STEAP4: variants seen among roughly 807,000 people sequenced by gnomAD.
The protein encoded by STEAP4 is metalloreductase STEAP4.
STEAP4 carries 36 observed loss-of-function variants against 43.6 expected under a neutral mutation model. The ratio of observed to expected loss-of-function variants is 0.83; its 90% CI spans 0.63 to 1.09. STEAP4 has a LOEUF of 1.09. STEAP4 is among the 50% of genes least tolerant of loss of function. The pLI, the probability that STEAP4 is intolerant of heterozygous loss-of-function variation, is 0.00. For synonymous variants in STEAP4, 191 were observed against 196.7 expected, an observed-to-expected ratio of 0.97 and a Z score of 0.24; for missense variants, 495 against 546.5, an observed-to-expected ratio of 0.91 and a Z score of 0.94.
Position 88,282,690 on chromosome 7 carries a change from G to T in STEAP4, c.935C>A (p.Pro312His). ...TCTCCATCGTACATAATATCGAATA[G>T]GAATCACAAGTGTGTAGAGGACATG... ...FLHVLYTLVIPIRYYVRWRLG... is the reference protein window; with the variant it reads ...FLHVLYTLVIHIRYYVRWRLG... Residue 312 changes from proline to histidine, a missense_variant, in exon 3 of 5, where the codon CCT becomes CAT. Transcript: ENST00000380079. 6.2e-7 allele frequency: 1 copy of T among 1,614,068 alleles called. No individual in the cohort carries two copies. Among genetic ancestry groups the T allele is most frequent in the Non-Finnish European group, 8.5e-7 (1 of 1,180,012 alleles).
At position 88,272,730 on chromosome 7, in the gene STEAP4, C is replaced by T. The variant is rs1852455279; in HGVS notation, c.*6668G>A. The T allele has an allele frequency of 6.6e-6, 1 of 152,194 alleles. No individual in the cohort carries two copies. Among genetic ancestry groups the T allele is most frequent in the Non-Finnish European group, 1.5e-5 (1 of 68,056 alleles). The allele number at this position is 152,194 out of a possible 1,614,324, so 9.4% of individuals were successfully genotyped here. A position where few individuals can be genotyped will look rare whatever the true frequency, so the allele number is the denominator to read the frequency against. On this transcript the variant is annotated 3_prime_UTR_variant, in exon 5 of 5. Transcript: ENST00000380079. Reference sequence around the variant, plus strand: ...AAAATGAAACAAAAATTACTGGCCCCCATCTCTGATAGTTGGTGAGGCACT... The same window carrying T: ...AAAATGAAACAAAAATTACTGGCCCTCATCTCTGATAGTTGGTGAGGCACT...
At chr7:88,286,129 A>G (rs995960270) in intron 1 of STEAP4, among the ~76,000 whole-genome samples, 1 of 152,366 alleles carries the variant, frequency 6.6e-6, no homozygotes, top group Non-Finnish European at 1.5e-5. Flanking sequence ...AAATCAAGAC[A>G]ACAATTGTCT....
chr7:88,306,041 G>C (rs561290992), intron 1 of STEAP4, among the ~76,000 whole-genome samples: 115 of 152,248 alleles, frequency 7.6e-4, no homozygotes, highest in African/African-American at 2.7e-3. Context: ...GCTAATTTTT[G>C]TATTTTTAGT....
rs148006080 is a variant in STEAP4, at chr7:88,282,650, G to A, written c.975C>T (p.Thr325=). 117 of 1,612,370 alleles carry A rather than the reference G, an allele frequency of 7.3e-5. No individual in the cohort carries two copies. Among genetic ancestry groups the A allele is most frequent in the African/African-American group, 4.0e-4 (30 of 75,006 alleles). Residue 325 remains threonine, a synonymous_variant, in exon 3 of 5, where the codon ACC becomes ACT. Coordinates refer to ENST00000380079, the MANE Select transcript of STEAP4 (RefSeq NM_024636.4). Reference sequence around the variant, plus strand: ...ATAAGAAGAGATTTACCTGGGTAACGGTTAAGTTTCCCAATCTCCATCGTA... The same window carrying A: ...ATAAGAAGAGATTTACCTGGGTAACAGTTAAGTTTCCCAATCTCCATCGTA... ...YYVRWRLGNL[T]VTQAILKKEN... is the part of the protein sequence containing the mutation.
chr7:88,297,788 T>G (rs891509525), intron 1 of STEAP4, among the ~76,000 whole-genome samples: 1 of 152,020 alleles, frequency 6.6e-6, no homozygotes, highest in Non-Finnish European at 1.5e-5. Context: ...ATACAGCTGC[T>G]CCTCAATTTA....
At chr7:88,294,278 G>A (rs1038597460) in intron 1 of STEAP4, among the ~76,000 whole-genome samples, 1 of 151,882 alleles carries the variant, frequency 6.6e-6, no homozygotes, top group Non-Finnish European at 1.5e-5. Context: ...CTATTAAACG[G>A]TTTGTATAAA....
intron 1 of STEAP4, among the ~76,000 whole-genome samples, chr7:88,305,641 C>T (rs1853116948): frequency 6.6e-6 from 1 of 152,108 alleles, no homozygotes; most frequent in African/African-American, 2.4e-5. Flanking sequence ...GACTCTTCCC[C>T]CGACAACTGG....
chr7:88,282,505 A>T, intron 3 of STEAP4, 136 bp downstream of exon 3: 1 of 899,512 alleles, frequency 1.1e-6, no homozygotes, highest in South Asian at 1.8e-5. Flanking sequence ...AAAAACTGAC[A>T]TGACATTTCT....
At chr7:88,297,276 A>C (rs759091489) in intron 1 of STEAP4, among the ~76,000 whole-genome samples, 2 of 152,184 alleles carry the variant, frequency 1.3e-5, no homozygotes, top group Admixed American at 6.6e-5. Context: ...CTTCAAAAAC[A>C]GTGTGTGTGT....
chr7:88,306,162 C>T (rs1853126677), intron 1 of STEAP4, among the ~76,000 whole-genome samples: 1 of 152,220 alleles, frequency 6.6e-6, no homozygotes, highest in African/African-American at 2.4e-5. Context: ...AGCCACCGTA[C>T]CCAGCCTCAG....
At chr7:88,281,150 G>C in intron 3 of STEAP4, 71 bp from the exon 4 acceptor site, 5 of 1,244,842 alleles carry the variant, frequency 4.0e-6, no homozygotes, top group Non-Finnish European at 3.2e-6. Flanking sequence ...CCCACACTTT[G>C]ACAGTGGGCA....
chr7:88,286,446 T>A lies in STEAP4; in HGVS notation c.-2-2175A>T, dbSNP rs556023404. Reference sequence around the variant, plus strand: ...CTTCAGGATATCTAATTTTTTTTTTTAAACTTATAATTTGATCTTGGAAGG... The same window carrying A: ...CTTCAGGATATCTAATTTTTTTTTTAAAACTTATAATTTGATCTTGGAAGG... On this transcript the variant is annotated intron_variant, in intron 1 of 4. Coordinates refer to ENST00000380079, the MANE Select transcript of STEAP4 (RefSeq NM_024636.4). 2.0e-5 allele frequency among the ~76,000 whole-genome samples: 3 copies of A among 152,216 alleles called. No individual in the cohort carries two copies. In the South Asian group the frequency reaches 6.2e-4, roughly 32 times the overall value.
chr7:88,305,457 T>C (rs762671410), intron 1 of STEAP4, among the ~76,000 whole-genome samples: 9 of 152,184 alleles, frequency 5.9e-5, no homozygotes, highest in Non-Finnish European at 8.8e-5. Context: ...TACAAAATTA[T>C]ACCTACTGTA....
Position 88,277,763 on chromosome 7 carries a change from T to C in STEAP4, c.*1635A>G, listed in dbSNP as rs1038421257. 6.6e-6 allele frequency: 1 copy of C among 152,026 alleles called. No individual in the cohort carries two copies. The highest frequency in any genetic ancestry group is 1.5e-5 in the Non-Finnish European group (1 of 68,046). 9.4% of individuals were successfully genotyped at this position (152,026 alleles called of 1,614,324 possible). ...TAGTCCCAGCTACTCGGGAGGCTGA[T>C]GAACAAGAATCACTTGAACCTGGGA... On this transcript the variant is annotated 3_prime_UTR_variant, in exon 5 of 5. Coordinates refer to ENST00000380079, the MANE Select transcript of STEAP4 (RefSeq NM_024636.4).
Position 88,302,866 on chromosome 7 carries a change from A to G in STEAP4, c.-3+3926T>C, listed in dbSNP as rs907505055. Among the ~76,000 whole-genome samples, 5 of 147,396 alleles carry G rather than the reference A, an allele frequency of 3.4e-5. 1 individual carries two copies. The Admixed American group carries it at 3.5e-4, about 10-fold the overall frequency. On this transcript the variant is annotated intron_variant, in intron 1 of 4. Transcript: ENST00000380079. ...CTACTCAGGAGGCTGAGGCAGGAGA[A>G]TTGCTTGAGCCCAGGAGATGGAGGT...
At chr7:88,304,661 T>TGC (rs1465495774) in intron 1 of STEAP4, among the ~76,000 whole-genome samples, 1 of 152,042 alleles carries the variant, frequency 6.6e-6, no homozygotes, top group African/African-American at 2.4e-5. Context: ...TGTGTGTGTG[T>TGC]GTGTGTTTGC....
At chr7:88,301,875 C>G (rs2116030277) in intron 1 of STEAP4, among the ~76,000 whole-genome samples, 1 of 152,250 alleles carries the variant, frequency 6.6e-6, no homozygotes, top group South Asian at 2.1e-4. Flanking sequence ...CGTGTTTGGC[C>G]CCATATCACT....
intron 1 of STEAP4, among the ~76,000 whole-genome samples, chr7:88,294,398 G>GAA (rs796944370): frequency 1.4e-5 from 2 of 146,768 alleles, no homozygotes; most frequent in African/African-American, 5.0e-5. Context: ...AACTTAAAAT[G>GAA]AAAAAAAAAA....
In STEAP4 at chr7:88,272,387, A is replaced by T. The variant is rs1238376369; in HGVS notation, c.*7011T>A. 6.6e-6 allele frequency: 1 copy of T among 152,144 alleles called. No individual in the cohort carries two copies. The highest frequency in any genetic ancestry group is 6.5e-5 in the Admixed American group (1 of 15,280). 9.4% of individuals were successfully genotyped at this position (152,144 alleles called of 1,614,324 possible). On this transcript the variant is annotated 3_prime_UTR_variant, in exon 5 of 5. Coordinates refer to ENST00000380079, the MANE Select transcript of STEAP4 (RefSeq NM_024636.4). Reference sequence around the variant, plus strand: ...ATTCCTTCCCTGCTCTGTCTACTTTACTACTCCATTCCCAGTATCTAATAA... The same window carrying T: ...ATTCCTTCCCTGCTCTGTCTACTTTTCTACTCCATTCCCAGTATCTAATAA...
Sources: gnomAD v4.1 joint callset for allele counts (sites outside exome capture counted in the v4.1 genomes callset) on GRCh38, gnomAD v4.1.1 for gene constraint, MANE v1.5 for transcripts, NCBI Gene and HGNC (gene_info 2026-07-23, HGNC 2026-07-21) for gene names.